TNRC6B: variants seen among roughly 807,000 people sequenced by gnomAD.
TNRC6B encodes the protein trinucleotide repeat containing adaptor 6B.
Under a neutral mutation model 203.6 loss-of-function variants are expected in TNRC6B, and 52 were observed. The observed-to-expected ratio is 0.26, with a 90% CI of 0.20 to 0.32. The LOEUF (loss-of-function observed/expected upper bound fraction) is 0.32, where lower values mean the gene tolerates loss of function less well. Among genes scored for constraint, TNRC6B ranks in the 10% least tolerant of loss-of-function variants. TNRC6B has a pLI of 1.00. For missense variants in TNRC6B, 1,923 were observed against 2,286.2 expected, an observed-to-expected ratio of 0.84 and a Z score of 3.24; for synonymous variants, 838 against 845.7, an observed-to-expected ratio of 0.99 and a Z score of 0.16.
rs2043987110 is a variant in TNRC6B, at chr22:40,331,965, G to T, written c.*8724G>T. 4.1e-6 allele frequency: 1 copy of T among 245,010 alleles called. No individual in the cohort carries two copies. Among genetic ancestry groups the T allele is most frequent in the African/African-American group, 2.2e-5 (1 of 45,340 alleles). The allele number at this position is 245,010 out of a possible 1,614,324, so 15.2% of individuals were successfully genotyped here. A position where few individuals can be genotyped will look rare whatever the true frequency, so the allele number is the denominator to read the frequency against. On this transcript the variant is annotated 3_prime_UTR_variant, in exon 23 of 23. Coordinates refer to ENST00000454349, the MANE Select transcript of TNRC6B (RefSeq NM_001162501.2). Reference sequence around the variant, plus strand: ...AAATTCCAGGGGGCCTGCAGTTCCTGTCAACCAATGTGGTTCAGGATTCTT... The same window carrying T: ...AAATTCCAGGGGGCCTGCAGTTCCTTTCAACCAATGTGGTTCAGGATTCTT...
chr22:40,230,066 C>G (rs1008633615), intron 1 of TNRC6B, among the ~76,000 whole-genome samples: 3 of 152,164 alleles, frequency 2.0e-5, no homozygotes, highest in Admixed American at 2.0e-4. Flanking sequence ...TACCATTTTA[C>G]ATTCCCATCA....
At chr22:40,279,448 G>C (rs1223810876) in intron 9 of TNRC6B, among the ~76,000 whole-genome samples, 1 of 152,128 alleles carries the variant, frequency 6.6e-6, no homozygotes, top group East Asian at 1.9e-4. Context: ...ATGGCACCTG[G>C]GAAATTGCAC....
rs77193723 is a variant in TNRC6B at position 40,136,472 on chromosome 22, C to T, written c.45+10610C>T. 6.0e-3 allele frequency among the ~76,000 whole-genome samples: 900 copies of T among 150,966 alleles called. 13 individuals are homozygous for T. The highest frequency in any genetic ancestry group is 0.021 in the African/African-American group (874 of 41,038). ...GGAGTATAGTAGCCTGAACACAGCT[C>T]ATTGCAGCCTGAACCTCTTGGGCTC... On this transcript the variant is annotated intron_variant, in intron 3 of 23. Coordinates refer to the TNRC6B transcript ENST00000301923.
intron 3 of TNRC6B, among the ~76,000 whole-genome samples, chr22:40,153,152 A>C (rs917953973): frequency 2.0e-4 from 30 of 152,326 alleles, no homozygotes; most frequent in African/African-American, 7.2e-4. Context: ...ATATGTGTGG[A>C]TAAAACAAGG....
chr22:40,081,048 G>A (rs1157316951), intron 1 of TNRC6B, among the ~76,000 whole-genome samples: 1 of 151,504 alleles, frequency 6.6e-6, no homozygotes, highest in Non-Finnish European at 1.5e-5. Context: ...TGTGTGGGGG[G>A]GTGCGTTTCA....
chr22:40,217,921 C>T (rs1412917588), intron 1 of TNRC6B, among the ~76,000 whole-genome samples: 2 of 144,112 alleles, frequency 1.4e-5, no homozygotes, highest in Non-Finnish European at 1.5e-5. Context: ...TGCAGTGAGC[C>T]GAGGTCACGC....
At chr22:40,154,512 A>G (rs926381942) in intron 3 of TNRC6B, among the ~76,000 whole-genome samples, 4 of 150,340 alleles carry the variant, frequency 2.7e-5, no homozygotes, top group Non-Finnish European at 5.9e-5. Flanking sequence ...GTATATACGT[A>G]TGTATGCCTA....
intron 1 of TNRC6B, among the ~76,000 whole-genome samples, chr22:40,219,604 G>A (rs960568006): frequency 2.6e-5 from 4 of 152,098 alleles, no homozygotes; most frequent in Non-Finnish European, 4.4e-5. Flanking sequence ...ATTGGTGTCC[G>A]TGGTGGCCAC....
At chr22:40,111,951 A>C (rs563466572) in intron 1 of TNRC6B, among the ~76,000 whole-genome samples, 1 of 152,138 alleles carries the variant, frequency 6.6e-6, no homozygotes, top group Non-Finnish European at 1.5e-5. Context: ...AAATACAAAA[A>C]TTAGCTGAGT....
At chr22:40,135,468 T>C (rs1229769397) in intron 3 of TNRC6B, among the ~76,000 whole-genome samples, 1 of 152,198 alleles carries the variant, frequency 6.6e-6, no homozygotes, top group East Asian at 1.9e-4. Flanking sequence ...TTATTTTTAT[T>C]TTAGCAACCT....
intron 1 of TNRC6B, among the ~76,000 whole-genome samples, chr22:40,231,194 C>T (rs1254068595): frequency 6.6e-6 from 1 of 152,132 alleles, no homozygotes; most frequent in Non-Finnish European, 1.5e-5. Flanking sequence ...TGTAAGTCCT[C>T]CAACTTGGTT....
intron 4 of TNRC6B, among the ~76,000 whole-genome samples, chr22:40,262,823 A>G (rs948395385): frequency 6.6e-6 from 1 of 152,104 alleles, no homozygotes; most frequent in Non-Finnish European, 1.5e-5. Context: ...GTGGATCACC[A>G]GGTCAGGAGA....
chr22:40,089,541 T>G (rs1327327439), intron 1 of TNRC6B, among the ~76,000 whole-genome samples: 2 of 150,452 alleles, frequency 1.3e-5, no homozygotes, highest in Admixed American at 6.6e-5. Context: ...CGTTAAGACT[T>G]TTTTTTTTAA....
chr22:40,164,806 C>A (rs34305613), intron 4 of TNRC6B, among the ~76,000 whole-genome samples: 94,864 of 139,280 alleles, frequency 0.68, 34,063 homozygotes, highest in African/African-American at 0.91. Flanking sequence ...CCTGAAATAG[C>A]GTCTCACTCT....
intron 4 of TNRC6B, among the ~76,000 whole-genome samples, chr22:40,170,352 A>T (rs1203260560): frequency 4.0e-5 from 3 of 74,188 alleles, no homozygotes; most frequent in South Asian, 4.0e-4. Flanking sequence ...TTATATATAT[A>T]TTATGTATAT....
intron 1 of TNRC6B, among the ~76,000 whole-genome samples, chr22:40,218,655 G>A (rs2069669131): frequency 6.6e-6 from 1 of 152,132 alleles, no homozygotes; most frequent in Admixed American, 6.6e-5. Context: ...TTAGCTGCTG[G>A]TAAAGACTGA....
chr22:40,204,008 CT>C (rs1427232800), intron 1 of TNRC6B, among the ~76,000 whole-genome samples: 1 of 152,212 alleles, frequency 6.6e-6, no homozygotes, highest in Non-Finnish European at 1.5e-5. Flanking sequence ...CAGCCCTCTA[CT>C]TTTCATCCCT....
chr22:40,138,419 C>A (rs1255713030), intron 3 of TNRC6B, among the ~76,000 whole-genome samples: 1 of 152,184 alleles, frequency 6.6e-6, no homozygotes, highest in Non-Finnish European at 1.5e-5. Context: ...GCACACACCA[C>A]CATGCCCAGC....
intron 1 of TNRC6B, chr22:40,045,366 G>C (rs2067678777): frequency 6.7e-6 from 1 of 149,202 alleles, no homozygotes; most frequent in Admixed American, 6.6e-5. Context: ...GCGGCTCCGG[G>C]CGTCACGCGC....
Sources: allele counts gnomAD v4.1 joint callset (sites outside exome capture counted in the v4.1 genomes callset), GRCh38; gene constraint gnomAD v4.1.1; transcripts MANE v1.5; gene names NCBI Gene and HGNC (gene_info 2026-07-23, HGNC 2026-07-21).